Variants in KAT6B observed in about 807,000 individuals in gnomAD.
KAT6B encodes the protein lysine acetyltransferase 6B.
A neutral mutation model predicts 187.5 loss-of-function variants in KAT6B; 10 were observed. The ratio of observed to expected loss-of-function variants is 0.05; its 90% confidence interval spans 0.03 to 0.09. The LOEUF (loss-of-function observed/expected upper bound fraction) is 0.09. KAT6B is among the 10% of genes least tolerant of loss of function. The pLI, the probability that KAT6B is intolerant of heterozygous loss-of-function variation, is 1.00. For synonymous variants in KAT6B, 861 were observed against 926.8 expected, an observed-to-expected ratio of 0.93 and a Z score of 1.29; for missense variants, 1,952 against 2,558.9, an observed-to-expected ratio of 0.76 and a Z score of 5.12.
intron 1 of KAT6B, among the ~76,000 whole-genome samples, chr10:74,830,743 T>TAC (rs1564891833): frequency 2.2e-4 from 4 of 18,420 alleles, no homozygotes; most frequent in Non-Finnish European, 3.8e-4. Context: ...TATATATATA[T>TAC]ATATATATAT....
chr10:74,881,660 G>C (rs1365398229), intron 3 of KAT6B, among the ~76,000 whole-genome samples: 2 of 152,080 alleles, frequency 1.3e-5, no homozygotes, highest in Non-Finnish European at 2.9e-5. Flanking sequence ...TGGCGGTGGA[G>C]ATTGATTGAT....
intron 4 of KAT6B, among the ~76,000 whole-genome samples, chr10:74,964,261 T>A (rs1263131156): frequency 6.6e-6 from 1 of 152,218 alleles, no homozygotes; most frequent in East Asian, 1.9e-4. Context: ...AAACTGTGCT[T>A]GTCTGGGTAA....
intron 3 of KAT6B, among the ~76,000 whole-genome samples, chr10:74,946,229 A>T (rs181846228): frequency 8.1e-4 from 123 of 152,296 alleles, no homozygotes; most frequent in Non-Finnish European, 1.5e-3. Flanking sequence ...TAAAGTTGTT[A>T]ATAATATTTC....
intron 11 of KAT6B, chr10:74,983,231 G>T: frequency 6.6e-6 from 1 of 152,404 alleles, no homozygotes. Flanking sequence ...ATACAGCGTA[G>T]GATGTTTAGC....
chr10:74,983,166 G>A (rs1220040513), intron 11 of KAT6B: 2 of 152,210 alleles, frequency 1.3e-5, no homozygotes, highest in Admixed American at 1.3e-4. Context: ...CTTACTAAAA[G>A]CTAGGCACTT....
chr10:74,968,705 G>A (rs1841647825), intron 4 of KAT6B, among the ~76,000 whole-genome samples: 1 of 152,028 alleles, frequency 6.6e-6, no homozygotes, highest in Non-Finnish European at 1.5e-5. Flanking sequence ...TAAAGACCAG[G>A]TTTAAAAAAA....
intron 3 of KAT6B, among the ~76,000 whole-genome samples, chr10:74,869,903 T>C (rs1843793605): frequency 6.6e-6 from 1 of 152,156 alleles, no homozygotes; most frequent in African/African-American, 2.4e-5. Context: ...CTTAGAAGGT[T>C]TTTGAAGGGC....
At chr10:75,021,312 T>C (rs767428648) in intron 15 of KAT6B, 27 bp downstream of exon 15, 15 of 1,610,740 alleles carry the variant, frequency 9.3e-6, no homozygotes, top group African/African-American at 4.0e-5. Flanking sequence ...TCATCCTAAG[T>C]TGTGTAACTT....
At chr10:74,871,593 A>G (rs1299086894) in intron 3 of KAT6B, among the ~76,000 whole-genome samples, 1 of 152,218 alleles carries the variant, frequency 6.6e-6, no homozygotes, top group African/African-American at 2.4e-5. Flanking sequence ...GCACTTAGGG[A>G]GGCTAAGACA....
chr10:74,966,414 C>G (rs1424781209), intron 4 of KAT6B, among the ~76,000 whole-genome samples: 1 of 152,190 alleles, frequency 6.6e-6, no homozygotes, highest in African/African-American at 2.4e-5. Context: ...GGAATTAGAG[C>G]ACAGATGGCT....
rs1846306996 is a variant in KAT6B at position 75,031,319 on chromosome 10, T to C, written c.*273T>C. ...AGGAAGGCCTCTCTTTGGACTACAA[T>C]TTGGAGGCAGCCACTTGTTGTGCCT... On this transcript the variant is annotated 3_prime_UTR_variant, in exon 18 of 18. Coordinates refer to ENST00000287239, the MANE Select transcript of KAT6B (RefSeq NM_012330.4). The C allele has an allele frequency of 2.1e-6, 1 of 470,572 alleles. No homozygotes were observed. The highest frequency in any genetic ancestry group is 3.5e-5 in the Admixed American group (1 of 28,520). 29.1% of individuals were successfully genotyped at this position (470,572 alleles called of 1,614,324 possible).
chr10:74,909,420 T>C (rs1232077460), intron 3 of KAT6B, among the ~76,000 whole-genome samples: 1 of 152,226 alleles, frequency 6.6e-6, no homozygotes, highest in African/African-American at 2.4e-5. Context: ...CCCTTATATC[T>C]ATTTTAGGGT....
At chr10:74,991,423 A>G (rs193061760) in intron 13 of KAT6B, among the ~76,000 whole-genome samples, 130 of 152,372 alleles carry the variant, frequency 8.5e-4, no homozygotes, top group African/African-American at 3.0e-3. Flanking sequence ...GGCCTTCTAC[A>G]TAAGAGAACA....
At chr10:74,907,838 T>A (rs1180429799) in intron 3 of KAT6B, among the ~76,000 whole-genome samples, 1 of 152,188 alleles carries the variant, frequency 6.6e-6, no homozygotes, top group Non-Finnish European at 1.5e-5. Flanking sequence ...CCATGATGGC[T>A]TTTCCAATGC....
chr10:74,924,457 G>A (rs1026774889), intron 3 of KAT6B, among the ~76,000 whole-genome samples: 2 of 152,188 alleles, frequency 1.3e-5, no homozygotes, highest in Non-Finnish European at 2.9e-5. Flanking sequence ...AAACATCAAC[G>A]GGAGTGGTGT....
chr10:74,886,924 G>C (rs908839998), intron 3 of KAT6B, among the ~76,000 whole-genome samples: 4 of 152,126 alleles, frequency 2.6e-5, no homozygotes, highest in African/African-American at 9.7e-5. Context: ...GTGAGGTTTG[G>C]ACAGGCTGGG....
At chr10:74,979,830 C>T (rs1842396355) in intron 10 of KAT6B, among the ~76,000 whole-genome samples, 2 of 152,028 alleles carry the variant, frequency 1.3e-5, no homozygotes, top group South Asian at 2.1e-4. Flanking sequence ...TCTTAAGAGA[C>T]CCTTCCCCAA....
rs147954482 is a variant in KAT6B at position 74,976,784 on chromosome 10, C to T, written c.1993+454C>T. 484 of 289,762 alleles carry T rather than the reference C, an allele frequency of 1.7e-3. 4 individuals are homozygous for T. The highest frequency in any genetic ancestry group is 0.015 in the Middle Eastern group (12 of 808). 17.9% of individuals were successfully genotyped at this position (289,762 alleles called of 1,614,324 possible). A position where few individuals can be genotyped will look rare whatever the true frequency, so the allele number is the denominator to read the frequency against. On this transcript the variant is annotated intron_variant, in intron 8 of 17. Transcript: ENST00000287239. ...TCTCATGACAAAGTTCATCCTGCTT[C>T]CGTCTCAGCAAAGCCTGATCTGTGA...
At chr10:74,979,154 C>T (rs1842350767) in intron 9 of KAT6B, 70 bp from the exon 10 acceptor site, 5 of 1,024,468 alleles carry the variant, frequency 4.9e-6, no homozygotes, top group Non-Finnish European at 7.5e-6. Context: ...TTTTGATAGT[C>T]ACTGGTGAAA....
Sources: gnomAD v4.1 joint callset for allele counts (sites outside exome capture counted in the v4.1 genomes callset) on GRCh38, gnomAD v4.1.1 for gene constraint, MANE v1.5 for transcripts, NCBI Gene and HGNC (gene_info 2026-07-23, HGNC 2026-07-21) for gene names.